CRACD: variants seen among roughly 807,000 people sequenced by gnomAD.
CRACD encodes capping protein-inhibiting regulator of actin dynamics.
In CRACD, 56 loss-of-function variants were observed where a neutral mutation model predicts 106.8. That is an observed-to-expected ratio of 0.52 (90% CI 0.42 to 0.66). The LOEUF (loss-of-function observed/expected upper bound fraction) is 0.66. Ranked by LOEUF, CRACD falls within the 30% of genes least tolerant of loss-of-function variation. The pLI is 0.00. For synonymous variants in CRACD, 754 were observed against 670.8 expected (o/e 1.12, Z -1.92); for missense variants, 1,730 against 1,623.2 (o/e 1.07, Z -1.13).
chr4:56,287,186 G>A (rs1469517913), intron 3 of CRACD, among the ~76,000 whole-genome samples: 4 of 152,152 alleles, frequency 2.6e-5, no homozygotes, highest in Non-Finnish European at 5.9e-5. Context: ...GTATGGTGAC[G>A]TGATCATAAC....
chr4:56,108,751 CAG>C (rs2109839595), intron 1 of CRACD, among the ~76,000 whole-genome samples: 1 of 152,292 alleles, frequency 6.6e-6, no homozygotes, highest in South Asian at 2.1e-4. Context: ...GTAGCTGAAG[CAG>C]AGAGGGAAGT....
intron 1 of CRACD, among the ~76,000 whole-genome samples, chr4:56,071,009 G>A (rs968404863): frequency 2.6e-5 from 4 of 152,054 alleles, no homozygotes; most frequent in Non-Finnish European, 5.9e-5. Flanking sequence ...GTCTGGCATG[G>A]CCTCTTTGAC....
In CRACD at chr4:56,182,861, A is replaced by ATGTGTGTGTGTGTG. The variant is rs763638808; in HGVS notation, c.-189+3432_-189+3433insGTGTGTGTGTGTGT. 4.6e-4 allele frequency among the ~76,000 whole-genome samples: 47 copies of ATGTGTGTGTGTGTG among 101,992 alleles called. 1 individual carries two copies. The highest frequency in any genetic ancestry group is 1.6e-3 in the African/African-American group (44 of 27,578). The allele number at this position is 101,992 out of a possible 152,430, so 66.9% of individuals were successfully genotyped here. On this transcript the variant is annotated intron_variant, in intron 2 of 10. Transcript: ENST00000682029. ...TTCTCATACAACGTAGAAAAAAAAG[A>ATGTGTGTGTGTGTG]TATGTGTGTGTGTGTGTGTGTGTGT...
At chr4:56,229,553 A>G (rs557404556) in intron 2 of CRACD, among the ~76,000 whole-genome samples, 1 of 152,246 alleles carries the variant, frequency 6.6e-6, no homozygotes, top group Non-Finnish European at 1.5e-5. Flanking sequence ...GGACTAAGAT[A>G]CGTGTGAATG....
chr4:56,257,286 T>G (rs568864696), intron 2 of CRACD, among the ~76,000 whole-genome samples: 1 of 152,150 alleles, frequency 6.6e-6, no homozygotes, highest in African/African-American at 2.4e-5. Context: ...TTTGCCATAC[T>G]GGCCAGGCTG....
At chr4:56,122,259 G>A (rs1464963727) in intron 1 of CRACD, among the ~76,000 whole-genome samples, 2 of 145,792 alleles carry the variant, frequency 1.4e-5, no homozygotes, top group Non-Finnish European at 3.0e-5. Context: ...TAAAATATAA[G>A]TGCAGCCACT....
intron 2 of CRACD, among the ~76,000 whole-genome samples, chr4:56,223,611 G>A (rs1325895156): frequency 6.6e-6 from 1 of 152,088 alleles, no homozygotes; most frequent in African/African-American, 2.4e-5. Flanking sequence ...TTATTGAATG[G>A]TCTTTCTCCA....
intron 1 of CRACD, among the ~76,000 whole-genome samples, chr4:56,126,514 T>G (rs1734664966): frequency 6.6e-6 from 1 of 152,204 alleles, no homozygotes; most frequent in African/African-American, 2.4e-5. Context: ...CTTTTTCCTC[T>G]TCTAATTGAC....
intron 3 of CRACD, among the ~76,000 whole-genome samples, chr4:56,277,928 C>T (rs569501340): frequency 4.9e-4 from 75 of 152,122 alleles, no homozygotes; most frequent in Non-Finnish European, 9.3e-4. Flanking sequence ...AAAGAATAAA[C>T]GACTTAGGAA....
At chr4:56,194,560 G>T (rs1345033469) in intron 2 of CRACD, among the ~76,000 whole-genome samples, 1 of 152,150 alleles carries the variant, frequency 6.6e-6, no homozygotes, top group Non-Finnish European at 1.5e-5. Context: ...TACAGCCTTT[G>T]GGGGGTGATT....
At chr4:56,106,935 C>T (rs1229182880) in intron 1 of CRACD, among the ~76,000 whole-genome samples, 1 of 152,152 alleles carries the variant, frequency 6.6e-6, no homozygotes, top group Non-Finnish European at 1.5e-5. Flanking sequence ...GCCAGCTGTG[C>T]ACATGAGCAT....
rs79963456 is a variant in CRACD at position 56,081,347 on chromosome 4, C to A, written c.-336+32048C>A. On this transcript the variant is annotated intron_variant, in intron 1 of 10. Transcript: ENST00000682029. ...GAGATAGCGCACTCAGGTAAATGGGCTAATTAATTTTCTGATAAAAGCATT... is the reference window on the plus strand; with the variant it reads ...GAGATAGCGCACTCAGGTAAATGGGATAATTAATTTTCTGATAAAAGCATT... Among the ~76,000 whole-genome samples the A allele has an allele frequency of 8.3e-3, 1,265 of 152,224 alleles. 13 individuals carry two copies. Among genetic ancestry groups the A allele is most frequent in the African/African-American group, 0.029 (1,206 of 41,526 alleles).
At chr4:56,086,157 AG>A (rs1191207514) in intron 1 of CRACD, among the ~76,000 whole-genome samples, 1 of 152,200 alleles carries the variant, frequency 6.6e-6, no homozygotes, top group Non-Finnish European at 1.5e-5. Context: ...AGACCTAAGC[AG>A]GGTTGTGAGT....
chr4:56,096,440 T>C (rs963486375), intron 1 of CRACD, among the ~76,000 whole-genome samples: 9 of 150,522 alleles, frequency 6.0e-5, no homozygotes, highest in African/African-American at 1.2e-4. Flanking sequence ...GGGTTGGGCG[T>C]GGTGTCTCAC....
chr4:56,245,612 G>C (rs527363067), intron 2 of CRACD, among the ~76,000 whole-genome samples: 1 of 152,192 alleles, frequency 6.6e-6, no homozygotes, highest in Non-Finnish European at 1.5e-5. Context: ...TTTCTAAGGA[G>C]TGTTGCACTA....
chr4:56,298,466 C>G (rs1744181759), intron 4 of CRACD, 117 bp downstream of exon 4: 2 of 1,228,206 alleles, frequency 1.6e-6, no homozygotes, highest in Non-Finnish European at 2.3e-6. Flanking sequence ...GAGGTCACTC[C>G]TGGTGAGAAT....
intron 2 of CRACD, among the ~76,000 whole-genome samples, chr4:56,211,595 G>T (rs573184817): frequency 6.6e-6 from 1 of 152,232 alleles, no homozygotes. Flanking sequence ...AGCTCTCAGC[G>T]GAGAGGGGAT....
chr4:56,325,314 G>A (rs1746369801), intron 10 of CRACD, among the ~76,000 whole-genome samples: 1 of 152,164 alleles, frequency 6.6e-6, no homozygotes, highest in South Asian at 2.1e-4. Context: ...CAGCCTGAGC[G>A]ACAGACTGTC....
At chr4:56,129,520 C>T (rs910192400) in intron 1 of CRACD, among the ~76,000 whole-genome samples, 1 of 152,138 alleles carries the variant, frequency 6.6e-6, no homozygotes, top group Non-Finnish European at 1.5e-5. Flanking sequence ...CTTTTAAGAC[C>T]AACTCCCTGG....
Sources: gnomAD v4.1 joint callset for allele counts (sites outside exome capture counted in the v4.1 genomes callset) on GRCh38, gnomAD v4.1.1 for gene constraint, MANE v1.5 for transcripts, NCBI Gene and HGNC (gene_info 2026-07-23, HGNC 2026-07-21) for gene names.